Variants in ZDHHC5 observed in about 807,000 individuals in gnomAD.
The protein encoded by ZDHHC5 is palmitoyltransferase ZDHHC5.
In ZDHHC5, 22 loss-of-function variants were observed where a neutral mutation model predicts 70.0. The observed-to-expected ratio is 0.31, with a 90% CI of 0.22 to 0.45. The LOEUF (loss-of-function observed/expected upper bound fraction) is 0.45. Ranked by LOEUF, ZDHHC5 falls within the 20% of genes least tolerant of loss-of-function variation. The pLI, the probability that ZDHHC5 is intolerant of heterozygous loss-of-function variation, is 1.00. For synonymous variants in ZDHHC5, 313 were observed against 347.8 expected (o/e 0.90, Z 1.11); for missense variants, 746 against 926.9 (o/e 0.80, Z 2.53).
In ZDHHC5 at chr11:57,672,166, A is replaced by T. The variant is rs942352915; in HGVS notation, c.-925A>T. 5.5e-5 allele frequency: 22 copies of T among 398,296 alleles called. No individual in the cohort carries two copies. Among genetic ancestry groups the T allele is most frequent in the African/African-American group, 4.1e-4 (20 of 48,626 alleles). 24.7% of individuals were successfully genotyped at this position (398,296 alleles called of 1,614,324 possible). On this transcript the variant is annotated 5_prime_UTR_variant, in exon 2 of 12. Transcript: ENST00000287169. Reference sequence around the variant, plus strand: ...AACTTTTGAAGTGTCATCAATTGGAATTGATTTCTTCATCTTATTCTGCCT... The same window carrying T: ...AACTTTTGAAGTGTCATCAATTGGATTTGATTTCTTCATCTTATTCTGCCT...
At position 57,687,665 on chromosome 11, in the gene ZDHHC5, G is replaced by C. The variant is rs546962209; in HGVS notation, c.227-843G>C. Among the ~76,000 whole-genome samples, 14 of 151,430 alleles carry C rather than the reference G, an allele frequency of 9.2e-5. No homozygotes were observed. The South Asian group carries it at 2.9e-3, about 32-fold the overall frequency. ...TGGGTTTCTGATAGCTGAAAATTGA[G>C]AGAAAGGGCATTTATGCTTGTGCAA... On this transcript the variant is annotated intron_variant, in intron 3 of 11. Transcript: ENST00000287169.
At chr11:57,685,719 G>A (rs1446792666) in intron 3 of ZDHHC5, among the ~76,000 whole-genome samples, 1 of 151,976 alleles carries the variant, frequency 6.6e-6, no homozygotes, top group African/African-American at 2.4e-5. Flanking sequence ...AAGATAGGAA[G>A]ACACCTCTAT....
chr11:57,695,926 G>A lies in ZDHHC5; in HGVS notation c.892G>A (p.Gly298Arg). 6.2e-7 allele frequency: 1 copy of A among 1,613,588 alleles called. No individual in the cohort carries two copies. The highest frequency in any genetic ancestry group is 8.5e-7 in the Non-Finnish European group (1 of 1,179,882). ...CCTCCCTTCATCAATCCAGTCTAAG[G>A]GAAGCCTGGAGATAACAGAGAGCCA... ...QGELRRTKSK[G>R]SLEITESQSA... The change falls in exon 9 of 12, where the codon GGA becomes AGA. Residue 298 changes from glycine to arginine, a missense_variant. By Grantham distance (125) the Gly-to-Arg change is moderately radical. Around this residue, in one of 6 missense-constraint regions of ZDHHC5, gnomAD observed 179 missense variants for 178.4 expected, o/e 1.00. Transcript: ENST00000287169.
At chr11:57,696,443 C>T (rs1207511649) in intron 9 of ZDHHC5, among the ~76,000 whole-genome samples, 1 of 152,198 alleles carries the variant, frequency 6.6e-6, no homozygotes, top group Non-Finnish European at 1.5e-5. Context: ...AGACTAGACG[C>T]AGTGGCTCAC....
intron 2 of ZDHHC5, among the ~76,000 whole-genome samples, chr11:57,675,260 A>G (rs114488629): frequency 0.011 from 1,661 of 152,270 alleles, 36 homozygotes; most frequent in African/African-American, 0.038. Context: ...AATTGAGGGG[A>G]CTAAATGATT....
chr11:57,691,896 T>A (rs1250577016), intron 6 of ZDHHC5, among the ~76,000 whole-genome samples: 2 of 151,920 alleles, frequency 1.3e-5, no homozygotes, highest in Non-Finnish European at 2.9e-5. Flanking sequence ...ATAGAAACAA[T>A]GAAAGACTTA....
chr11:57,688,586 G>A lies in ZDHHC5; in HGVS notation c.305G>A (p.Arg102His). 4 of 1,610,250 alleles carry A rather than the reference G, an allele frequency of 2.5e-6. No homozygotes were observed. Among genetic ancestry groups the A allele is most frequent in the Non-Finnish European group, 3.4e-6 (4 of 1,178,412 alleles). ...KTVEIKGIQV[R>H]MKWCATCRFY... ...GTGGAGATAAAGGGCATCCAGGTGC[G>A]CATGAAATGGTGTGCCACCTGCCGC... Residue 102 changes from arginine to histidine, a missense_variant, in exon 4 of 12, where the codon CGC (arginine) becomes CAC (histidine). Physicochemically the swap from Arg to His is conservative, Grantham distance 29. Around this residue, in one of 6 missense-constraint regions of ZDHHC5, gnomAD observed 89 missense variants for 130.7 expected, o/e 0.68. Coordinates refer to ENST00000287169, the MANE Select transcript of ZDHHC5 (RefSeq NM_015457.3).
intron 3 of ZDHHC5, 104 bp downstream of exon 3, chr11:57,682,647 GA>G (rs754043737): frequency 1.2e-5 from 16 of 1,390,716 alleles, no homozygotes; most frequent in African/African-American, 1.5e-5. Flanking sequence ...GGGATTTTGG[GA>G]TATGAAAAAT....
At chr11:57,688,392 A>T in intron 3 of ZDHHC5, 116 bp from the exon 4 acceptor site, 1 of 1,208,240 alleles carries the variant, frequency 8.3e-7, no homozygotes, top group Non-Finnish European at 1.1e-6. Context: ...TCCTAGTCTC[A>T]CTCATTAGAC....
At chr11:57,682,363 G>A (rs1326294593) in intron 2 of ZDHHC5, 59 bp from the exon 3 acceptor site, 2 of 1,556,230 alleles carry the variant, frequency 1.3e-6, no homozygotes, top group Non-Finnish European at 1.7e-6. Flanking sequence ...ATTTTTGTAT[G>A]TATGGTTCGT....
At position 57,670,964 on chromosome 11, in the gene ZDHHC5, G is replaced by A. The variant is rs190835234; in HGVS notation, c.-1070-1057G>A. Among the ~76,000 whole-genome samples, 205 of 151,912 alleles carry A rather than the reference G, an allele frequency of 1.3e-3. 1 individual carries two copies. The highest frequency in any genetic ancestry group is 4.7e-3 in the African/African-American group (195 of 41,410). On this transcript the variant is annotated intron_variant, in intron 1 of 11. Coordinates refer to ENST00000287169, the MANE Select transcript of ZDHHC5 (RefSeq NM_015457.3). ...TAGCTGGGACTACAGGCGCCCGCCC[G>A]GCTAATTTTTGTATTTTTAGTAGAG...
Position 57,698,624 on chromosome 11 carries a change from C to T in ZDHHC5, c.1188C>T (p.Tyr396=), listed in dbSNP as rs1055838647. The T allele has an allele frequency of 1.2e-6, 2 of 1,614,090 alleles. No homozygotes were observed. Among genetic ancestry groups the T allele is most frequent in the Admixed American group, 1.7e-5 (1 of 60,018 alleles). Residue 396 remains tyrosine, a synonymous_variant, in exon 11 of 12, where the codon TAC becomes TAT. Transcript: ENST00000287169. The stretch of plus-strand genomic sequence containing the variant: ...CAGAGAGCAGCCGTCACCCCAGCTA[C>T]CGCTCAGAGCCCAGCTTGGAACCAG... The part of the protein sequence containing the change: ...SIAESSRHPS[Y]RSEPSLEPES...
At chr11:57,697,968 T>C (rs184771739) in intron 10 of ZDHHC5, among the ~76,000 whole-genome samples, 1 of 149,952 alleles carries the variant, frequency 6.7e-6, no homozygotes, top group Non-Finnish European at 1.5e-5. Flanking sequence ...ACCCTGTCTC[T>C]ACTAAAAATA....
At chr11:57,675,997 G>A (rs897349350) in intron 2 of ZDHHC5, among the ~76,000 whole-genome samples, 10 of 152,146 alleles carry the variant, frequency 6.6e-5, no homozygotes, top group Admixed American at 2.0e-4. Flanking sequence ...TCTTCACTAG[G>A]CTACAACTAG....
At chr11:57,697,056 C>T (rs192826732) in intron 10 of ZDHHC5, among the ~76,000 whole-genome samples, 183 bp downstream of exon 10, 5 of 151,126 alleles carry the variant, frequency 3.3e-5, no homozygotes, top group African/African-American at 9.7e-5. Context: ...TTAGGCCAGG[C>T]GTGGTGGCTC....
At position 57,695,988 on chromosome 11, in the gene ZDHHC5, A is replaced by G. The variant is rs771442798; in HGVS notation, c.954A>G (p.Pro318=). The stretch of plus-strand genomic sequence containing the variant: ...CTGAACCTCCACCTCCTCCTAAGCC[A>G]GACCTGAGCCGTTACACAGGGTTGC... ...ADAEPPPPPK[P]DLSRYTGLRT... Residue 318 remains proline (P), a synonymous_variant, in exon 9 of 12, where the codon CCA becomes CCG. Coordinates refer to ENST00000287169, the MANE Select transcript of ZDHHC5 (RefSeq NM_015457.3). 17 of 1,614,048 alleles carry G rather than the reference A, an allele frequency of 1.1e-5. No individual in the cohort carries two copies. The highest frequency in any genetic ancestry group is 1.4e-5 in the Non-Finnish European group (16 of 1,180,052).
chr11:57,699,569 T>A, intron 11 of ZDHHC5, 151 bp downstream of exon 11: 1 of 1,183,680 alleles, frequency 8.4e-7, no homozygotes, highest in Non-Finnish European at 1.2e-6. Context: ...CTACCTGCCT[T>A]CATGGGCAAT....
chr11:57,696,744 G>T lies in ZDHHC5; in HGVS notation c.1010-17G>T, dbSNP rs765073902. 1.2e-5 allele frequency: 20 copies of T among 1,610,558 alleles called. No homozygotes were observed. The highest frequency in any genetic ancestry group is 1.3e-5 in the Non-Finnish European group (15 of 1,177,288). The stretch of plus-strand genomic sequence containing the variant: ...ACCGCTTGTAAAATAGTGCCCCCTT[G>T]GCCTTTTTTCTTGCAGATAGTAGCT... On this transcript the variant is annotated splice_polypyrimidine_tract_variant and intron_variant, in intron 9 of 11. Coordinates refer to ENST00000287169, the MANE Select transcript of ZDHHC5 (RefSeq NM_015457.3).
intron 6 of ZDHHC5, among the ~76,000 whole-genome samples, chr11:57,690,731 C>T (rs1040102156): frequency 1.3e-5 from 2 of 152,090 alleles, no homozygotes; most frequent in African/African-American, 2.4e-5. Flanking sequence ...CATCATTCTG[C>T]GCAAACTGTC....
Sources: gnomAD v4.1 joint callset for allele counts (sites outside exome capture counted in the v4.1 genomes callset) on GRCh38, gnomAD v4.1.1 for gene constraint, gnomAD v4.1.1 regional missense constraint, MANE v1.5 for transcripts, NCBI Gene and HGNC (gene_info 2026-07-23, HGNC 2026-07-21) for gene names.